Variants in SNUPN observed in about 807,000 individuals in gnomAD.
SNUPN encodes the protein snurportin-1.
A neutral mutation model predicts 39.2 loss-of-function variants in SNUPN; 31 were observed. That is an observed-to-expected ratio of 0.79 (90% CI 0.59 to 1.07). SNUPN has a LOEUF of 1.07. Among genes scored for constraint, SNUPN ranks in the 50% least tolerant of loss-of-function variants. The pLI is 0.00. For missense variants in SNUPN, 382 were observed against 434.2 expected (o/e 0.88, Z 1.07); for synonymous variants, 132 against 159.0 (o/e 0.83, Z 1.28).
At chr15:75,601,089 TC>T in intron 8 of SNUPN, 48 bp downstream of exon 8, 2 of 1,301,412 alleles carry the variant, frequency 1.5e-6, no homozygotes, top group South Asian at 1.2e-5. Context: ...ACTAAGTCTC[TC>T]TGCAGCCTAT....
intron 3 of SNUPN, among the ~76,000 whole-genome samples, chr15:75,612,008 A>C (rs1595985659): frequency 6.8e-6 from 1 of 146,134 alleles, no homozygotes. Context: ...AGGCCCTCTG[A>C]CCTCTTCTCA....
rs73439270 is a variant in SNUPN at position 75,620,364 on chromosome 15, T to G, written c.158+530A>C. ...AGTAGCTCAGCCTCAAACACTCTTA[T>G]CCTGCCCTCTTTCCCTGTTTGCACA... is the stretch of plus-strand genomic sequence containing the variant. On this transcript the variant is annotated intron_variant, in intron 2 of 8. Transcript: ENST00000308588. 6.5e-3 allele frequency among the ~76,000 whole-genome samples: 991 copies of G among 152,272 alleles called. 9 individuals carry two copies. Among genetic ancestry groups the G allele is most frequent in the African/African-American group, 0.022 (923 of 41,562 alleles).
chr15:75,625,618 A>C (rs2141384172), intron 1 of SNUPN, 48 bp downstream of exon 1: 1 of 151,806 alleles, frequency 6.6e-6, no homozygotes, highest in East Asian at 2.0e-4. Flanking sequence ...CGGCACCGAG[A>C]GGCAACTCGG....
At chr15:75,602,760 CA>C (rs2141361721) in intron 7 of SNUPN, among the ~76,000 whole-genome samples, 1 of 152,004 alleles carries the variant, frequency 6.6e-6, no homozygotes, top group East Asian at 2.0e-4. Context: ...TGCACGCCAC[CA>C]TGCCTAATCT....
At chr15:75,625,123 T>A (rs1893186105) in intron 1 of SNUPN, 1 of 156,384 alleles carries the variant, frequency 6.4e-6, no homozygotes, top group Non-Finnish European at 1.4e-5. Context: ...TGCCTCCAAG[T>A]GTTCGGACCT....
intron 3 of SNUPN, among the ~76,000 whole-genome samples, chr15:75,616,193 A>G (rs919212831): frequency 4.8e-5 from 7 of 147,142 alleles, no homozygotes; most frequent in Admixed American, 1.4e-4. Context: ...GCAGTGGCTC[A>G]CTCTTGTAAT....
rs148200426 is a variant in SNUPN at position 75,598,560 on chromosome 15, G to A, written c.881C>T (p.Pro294Leu). 544 of 1,614,168 alleles carry A rather than the reference G, an allele frequency of 3.4e-4. No individual in the cohort carries two copies. The African/African-American group carries it at 6.1e-3, about 18-fold the overall frequency. The change falls in exon 9 of 9, where the codon CCG becomes CTG. Residue 294 changes from proline (P) to leucine (L), a missense_variant. Physicochemically the swap from Pro to Leu is moderately conservative, Grantham distance 98. Transcript: ENST00000308588. ...AGCATAGTCTGGCTTGGTGGTCAGC[G>A]GGCCAGCCGGCACAGCTACACCAAG... The part of the protein sequence containing the change: ...DVLGVAVPAG[P>L]LTTKPDYAGH...
intron 8 of SNUPN, among the ~76,000 whole-genome samples, chr15:75,600,079 C>T (rs1020208820): frequency 6.6e-6 from 1 of 151,988 alleles, no homozygotes; most frequent in African/African-American, 2.4e-5. Context: ...CTCCTGACCT[C>T]AGGTGATCCA....
At chr15:75,620,849 G>T in intron 2 of SNUPN, 45 bp downstream of exon 2, 10 of 1,566,934 alleles carry the variant, frequency 6.4e-6, no homozygotes, top group Non-Finnish European at 8.7e-6. Context: ...ATGGTTCATA[G>T]CTCCTAGCCC....
intron 2 of SNUPN, 58 bp downstream of exon 2, chr15:75,620,836 G>C: frequency 6.7e-7 from 1 of 1,483,884 alleles, no homozygotes; most frequent in Admixed American, 1.9e-5. Context: ...TAGAGCCTTC[G>C]GAATGGTTCA....
At chr15:75,608,548 G>C (rs895708557) in intron 5 of SNUPN, among the ~76,000 whole-genome samples, 3 of 152,216 alleles carry the variant, frequency 2.0e-5, no homozygotes, top group Non-Finnish European at 4.4e-5. Context: ...GCTAGGCCCA[G>C]TGGGGAGGAA....
chr15:75,609,174 CTTTTTTTTTTTTT>C (rs1205961290), intron 5 of SNUPN, among the ~76,000 whole-genome samples: 2 of 89,672 alleles, frequency 2.2e-5, no homozygotes, highest in Non-Finnish European at 4.8e-5. Flanking sequence ...CAAAGTGGGT[CTTTTTTTTTTTTT>C]TTTTTTTTTT....
At chr15:75,623,305 C>T (rs144936735) in intron 1 of SNUPN, among the ~76,000 whole-genome samples, 3 of 130,660 alleles carry the variant, frequency 2.3e-5, no homozygotes, top group East Asian at 2.1e-4. Context: ...CCACCACGCC[C>T]GGCTAATTTT....
chr15:75,607,129 G>A, intron 6 of SNUPN, 87 bp downstream of exon 6: 1 of 879,800 alleles, frequency 1.1e-6, no homozygotes, highest in Non-Finnish European at 2.0e-6. Context: ...CAAGAAGTTG[G>A]TCACATACCA....
chr15:75,598,805 A>C (rs2075262918), intron 8 of SNUPN, 124 bp from the exon 9 acceptor site: 4 of 668,572 alleles, frequency 6.0e-6, no homozygotes, highest in Non-Finnish European at 9.9e-6. Context: ...GACAGAGGAA[A>C]GAGTCCCAGC....
intron 7 of SNUPN, among the ~76,000 whole-genome samples, chr15:75,603,327 G>A (rs541530514): frequency 3.7e-4 from 54 of 147,698 alleles, no homozygotes; most frequent in African/African-American, 1.3e-3. Flanking sequence ...GATTACAGGC[G>A]TGAGCTACCG....
intron 8 of SNUPN, among the ~76,000 whole-genome samples, chr15:75,599,175 G>GC (rs1595980243): frequency 7.2e-6 from 1 of 138,318 alleles, no homozygotes; most frequent in African/African-American, 2.6e-5. Flanking sequence ...CTCAAAAAAA[G>GC]AAAAAAAAAA....
intron 2 of SNUPN, among the ~76,000 whole-genome samples, chr15:75,617,989 T>C (rs1892977572): frequency 6.6e-6 from 1 of 152,182 alleles, no homozygotes; most frequent in Admixed American, 6.6e-5. Context: ...AAGTAAGAAA[T>C]GATGGAATCT....
In SNUPN at chr15:75,609,872, G is replaced by A. The variant is rs747098378; in HGVS notation, c.408+18C>T. On this transcript the variant is annotated intron_variant, in intron 4 of 8. Coordinates refer to ENST00000308588, the MANE Select transcript of SNUPN (RefSeq NM_005701.4). ...TACAGACCAGGCCTACTGGCATAGG[G>A]GGCAGGCAGCTACTCACCCTGGAGG... is the stretch of plus-strand genomic sequence containing the variant. 10 of 1,581,568 alleles carry A rather than the reference G, an allele frequency of 6.3e-6. No individual in the cohort carries two copies. In the East Asian group the frequency reaches 2.0e-4, roughly 32 times the overall value.
Sources: allele counts gnomAD v4.1 joint callset (sites outside exome capture counted in the v4.1 genomes callset), GRCh38; gene constraint gnomAD v4.1.1; transcripts MANE v1.5; gene names NCBI Gene and HGNC (gene_info 2026-07-23, HGNC 2026-07-21).